Variants in NBAS observed in about 807,000 individuals in gnomAD.
NBAS encodes NAG/BC035112 fusion.
Under a neutral mutation model 302.5 loss-of-function variants are expected in NBAS, and 219 were observed. The ratio of observed to expected loss-of-function variants is 0.72; its 90% confidence interval spans 0.65 to 0.81. The LOEUF (loss-of-function observed/expected upper bound fraction) is 0.81, where lower values mean the gene tolerates loss of function less well. Ranked by LOEUF, NBAS falls within the 30% of genes least tolerant of loss-of-function variation. The probability of loss-of-function intolerance (pLI) is 0.00; values close to 1 mark genes in which losing one functional copy is unlikely to be tolerated. For missense variants in NBAS, 2,932 were observed against 2,841.6 expected (o/e 1.03, Z -0.72); for synonymous variants, 1,118 against 1,021.6 (o/e 1.09, Z -1.80).
intron 11 of NBAS, among the ~76,000 whole-genome samples, chr2:15,500,298 T>A (rs2148629220): frequency 6.6e-6 from 1 of 151,944 alleles, no homozygotes; most frequent in East Asian, 1.9e-4. Flanking sequence ...AAAGAAAAAA[T>A]ACTCAGATCA....
At chr2:14,899,040 C>G in the NBAS span, among the ~76,000 whole-genome samples, 12 of 152,122 alleles carry the variant, frequency 7.9e-5, no homozygotes, top group African/African-American at 2.9e-4. Flanking sequence ...CTAGGGTGGC[C>G]AGGCATTTCC....
At chr2:15,438,944 G>A (rs570896880) in intron 21 of NBAS, among the ~76,000 whole-genome samples, 11 of 152,212 alleles carry the variant, frequency 7.2e-5, no homozygotes, top group Non-Finnish European at 1.3e-4. Context: ...GCCAGAATAC[G>A]AAAAACTAGT....
intron 35 of NBAS, among the ~76,000 whole-genome samples, chr2:15,337,487 A>C (rs1423461949): frequency 6.6e-6 from 1 of 152,202 alleles, no homozygotes; most frequent in Non-Finnish European, 1.5e-5. Flanking sequence ...TAAAAAAAAG[A>C]AAAGAAAAAT....
chr2:15,504,222 T>C lies in NBAS; in HGVS notation c.886-9A>G. The C allele has an allele frequency of 2.5e-6, 4 of 1,600,230 alleles. No individual in the cohort carries two copies. The highest frequency in any genetic ancestry group is 3.4e-6 in the Non-Finnish European group (4 of 1,167,504). On this transcript the variant is annotated splice_polypyrimidine_tract_variant and intron_variant, in intron 10 of 51. Transcript: ENST00000281513. The stretch of plus-strand genomic sequence containing the variant: ...CCCAGTGTCTTCGGTACCTGCAAAA[T>C]AAATGCATCATATGAAGAAAGATTA...
chr2:14,831,908 A>C, the NBAS span, among the ~76,000 whole-genome samples: 3 of 152,242 alleles, frequency 2.0e-5, no homozygotes, highest in African/African-American at 4.8e-5. Context: ...TGAAATAGTC[A>C]CATGGGGACA....
At chr2:14,960,002 A>T in the NBAS span, among the ~76,000 whole-genome samples, 1 of 152,196 alleles carries the variant, frequency 6.6e-6, no homozygotes, top group South Asian at 2.1e-4. Context: ...TGACAGCTCC[A>T]AGGTCAGTGT....
chr2:15,305,400 C>T (rs1432188481), intron 40 of NBAS, among the ~76,000 whole-genome samples: 1 of 151,072 alleles, frequency 6.6e-6, no homozygotes, highest in Non-Finnish European at 1.5e-5. Context: ...CCATGCTGAA[C>T]TGTGAGTCAA....
intron 21 of NBAS, among the ~76,000 whole-genome samples, chr2:15,451,100 G>A (rs1678985343): frequency 6.6e-6 from 1 of 152,068 alleles, no homozygotes; most frequent in Admixed American, 6.5e-5. Context: ...TGCCCAGACT[G>A]GAGTACAGTG....
At chr2:15,335,879 A>G (rs1348172859) in intron 35 of NBAS, among the ~76,000 whole-genome samples, 2 of 152,096 alleles carry the variant, frequency 1.3e-5, no homozygotes, top group African/African-American at 2.4e-5. Flanking sequence ...TTTTTGTATC[A>G]TATTTAAGAG....
At chr2:15,394,458 C>T in intron 27 of NBAS, 109 bp from the exon 28 acceptor site, 1 of 1,159,920 alleles carries the variant, frequency 8.6e-7, no homozygotes, top group Non-Finnish European at 1.2e-6. Context: ...AAAAAATTAT[C>T]CCATAGTGTA....
At chr2:15,523,630 T>C (rs868465486) in intron 9 of NBAS, among the ~76,000 whole-genome samples, 1 of 152,158 alleles carries the variant, frequency 6.6e-6, no homozygotes, top group South Asian at 2.1e-4. Flanking sequence ...TGTATTTCTA[T>C]AGGCCAGGCG....
At chr2:15,337,708 G>T (rs1672654703) in intron 35 of NBAS, among the ~76,000 whole-genome samples, 1 of 152,162 alleles carries the variant, frequency 6.6e-6, no homozygotes, top group African/African-American at 2.4e-5. Flanking sequence ...GAAAGAGAAA[G>T]TAAAATGAAA....
intron 9 of NBAS, among the ~76,000 whole-genome samples, chr2:15,534,255 T>A (rs1010840729): frequency 1.3e-5 from 2 of 152,190 alleles, no homozygotes; most frequent in Non-Finnish European, 1.5e-5. Context: ...TCTTGAGTTA[T>A]GTATCATACC....
At chr2:14,904,921 C>T in the NBAS span, among the ~76,000 whole-genome samples, 3 of 152,032 alleles carry the variant, frequency 2.0e-5, no homozygotes, top group Admixed American at 6.5e-5. Context: ...CAGTGGCGGG[C>T]GCCTGTAGTC....
At chr2:15,240,150 G>C (rs1437969030) in intron 44 of NBAS, among the ~76,000 whole-genome samples, 3 of 152,060 alleles carry the variant, frequency 2.0e-5, no homozygotes, top group African/African-American at 7.2e-5. Flanking sequence ...TCCTACGACA[G>C]ACTCTCATTT....
At chr2:14,780,009 G>T in the NBAS span, among the ~76,000 whole-genome samples, 1 of 152,064 alleles carries the variant, frequency 6.6e-6, no homozygotes, top group East Asian at 1.9e-4. Context: ...TAGTCCCTGG[G>T]ACCCCCGATC....
chr2:15,363,174 G>T (rs1184791632), intron 32 of NBAS, among the ~76,000 whole-genome samples: 2 of 152,182 alleles, frequency 1.3e-5, no homozygotes, highest in East Asian at 3.9e-4. Flanking sequence ...TCCTGCTCCT[G>T]ATCTTCTCTT....
the NBAS span, among the ~76,000 whole-genome samples, chr2:14,868,258 T>C: frequency 4.6e-5 from 7 of 152,208 alleles, no homozygotes; most frequent in Non-Finnish European, 1.0e-4. Context: ...CTAGTCTATA[T>C]AGGCAGGAAT....
chr2:14,790,651 T>C, the NBAS span, among the ~76,000 whole-genome samples: 1 of 102,944 alleles, frequency 9.7e-6, no homozygotes, highest in Non-Finnish European at 1.8e-5. Context: ...ATTCATGCCT[T>C]TTTTTTTTTT....
Sources: allele counts gnomAD v4.1 joint callset (sites outside exome capture counted in the v4.1 genomes callset), GRCh38; gene constraint gnomAD v4.1.1; transcripts MANE v1.5; gene names NCBI Gene and HGNC (gene_info 2026-07-23, HGNC 2026-07-21).